ZKSCAN5: variants seen among roughly 807,000 people sequenced by gnomAD.
The protein encoded by ZKSCAN5 is zinc finger with KRAB and SCAN domains 5.
ZKSCAN5 carries 28 observed loss-of-function variants against 60.0 expected under a neutral mutation model. The ratio of observed to expected loss-of-function variants is 0.47; its 90% CI spans 0.35 to 0.64. ZKSCAN5 has a LOEUF of 0.64. ZKSCAN5 is among the 30% of genes least tolerant of loss of function. ZKSCAN5 has a pLI of 0.01. For missense variants in ZKSCAN5, 881 were observed against 1,034.6 expected (o/e 0.85, Z 2.04); for synonymous variants, 361 against 371.2 (o/e 0.97, Z 0.31).
chr7:99,521,389 G>T (rs893164095), intron 5 of ZKSCAN5, among the ~76,000 whole-genome samples: 5 of 151,986 alleles, frequency 3.3e-5, no homozygotes, highest in African/African-American at 1.2e-4. Context: ...GTAGAGACAG[G>T]GTTTCACCAT....
rs766183259 is a variant in ZKSCAN5, at chr7:99,519,851, C to T, written c.578C>T (p.Ser193Phe). 2 of 1,614,116 alleles carry T rather than the reference C, an allele frequency of 1.2e-6. No individual in the cohort carries two copies. Among genetic ancestry groups the T allele is most frequent in the Admixed American group, 1.7e-5 (1 of 60,008 alleles). ...ENALPVLQVP[S>F]LPLKDSQELT... ...GCCCTTCCTGTTCTCCAAGTTCCTT[C>T]CCTTCCCCTGAAGGACAGCCAGGAG... is the stretch of plus-strand genomic sequence containing the variant. Residue 193 changes from serine to phenylalanine, a missense_variant, in exon 4 of 7, where the codon TCC becomes TTC. By Grantham distance (155) the Ser-to-Phe change is radical (BLOSUM62 -2). Around this residue, in one of 5 missense-constraint regions of ZKSCAN5, gnomAD observed 490 missense variants for 554.5 expected, o/e 0.88. Transcript: ENST00000326775.
chr7:99,508,159 C>T (rs552162688), intron 2 of ZKSCAN5, among the ~76,000 whole-genome samples: 5 of 151,120 alleles, frequency 3.3e-5, no homozygotes, highest in Admixed American at 1.3e-4. Flanking sequence ...ATTAGCCGGG[C>T]GTGGTGGCAC....
At position 99,531,186 on chromosome 7, in the gene ZKSCAN5, T is replaced by C. The variant is rs1464641490; in HGVS notation, c.1457T>C (p.Leu486Pro). 6.2e-7 allele frequency: 1 copy of C among 1,613,974 alleles called. No individual in the cohort carries two copies. Among genetic ancestry groups the C allele is most frequent in the African/African-American group, 1.3e-5 (1 of 75,046 alleles). Residue 486 changes from leucine (L) to proline (P), a missense_variant, in exon 7 of 7, where the codon CTA (leucine) becomes CCA (proline). Physicochemically the swap from Leu to Pro is moderately conservative, Grantham distance 98 (BLOSUM62 -3). Transcript: ENST00000326775. ...ISEYSEADMELSGKTQRNVSQ... is the reference protein window; with the variant it reads ...ISEYSEADMEPSGKTQRNVSQ... ...GAATATTCAGAAGCAGACATGGAAC[T>C]ATCTGGAAAAACCCAAAGAAATGTT...
chr7:99,509,437 T>G (rs980965179), intron 2 of ZKSCAN5, among the ~76,000 whole-genome samples: 1 of 151,552 alleles, frequency 6.6e-6, no homozygotes, highest in Non-Finnish European at 1.5e-5. Context: ...TCTGTGAAAT[T>G]TCAATTAAAT....
In ZKSCAN5 at chr7:99,513,987, GTGAGC is replaced by G. The variant is rs1801157847; in HGVS notation, c.553+1401_553+1405del. 2.0e-5 allele frequency among the ~76,000 whole-genome samples: 3 copies of G among 152,192 alleles called. No individual in the cohort carries two copies. In the South Asian group the frequency reaches 6.2e-4, roughly 31 times the overall value. ...TTGAACCCAGGAGGCAAAGGTTGCAGTGAGCTGAGACCGTGGCACTGGACTCCAGC... is the reference window on the plus strand; with the variant it reads ...TTGAACCCAGGAGGCAAAGGTTGCAGTGAGACCGTGGCACTGGACTCCAGC... On this transcript the variant is annotated intron_variant, in intron 3 of 6. Coordinates refer to ENST00000326775, the MANE Select transcript of ZKSCAN5 (RefSeq NM_145102.4).
intron 3 of ZKSCAN5, among the ~76,000 whole-genome samples, chr7:99,515,833 CAAA>C (rs1165846971): frequency 1.0e-4 from 7 of 66,760 alleles, no homozygotes; most frequent in Admixed American, 1.7e-4. Flanking sequence ...GACTCCATCT[CAAA>C]AAAAAAAAAA....
At chr7:99,511,834 G>C (rs1425807715) in intron 2 of ZKSCAN5, among the ~76,000 whole-genome samples, 1 of 151,644 alleles carries the variant, frequency 6.6e-6, no homozygotes, top group Non-Finnish European at 1.5e-5. Context: ...CTGTCACCCA[G>C]GCTAGAGTGC....
intron 5 of ZKSCAN5, among the ~76,000 whole-genome samples, chr7:99,525,497 G>GCACA (rs374340957): frequency 9.9e-5 from 15 of 150,882 alleles, no homozygotes; most frequent in African/African-American, 3.4e-4. Context: ...ACGCGCGCGC[G>GCACA]CACACACACA....
intron 2 of ZKSCAN5, among the ~76,000 whole-genome samples, chr7:99,506,677 GTATT>G (rs1258894025): frequency 2.0e-5 from 3 of 152,110 alleles, no homozygotes; most frequent in African/African-American, 4.8e-5. Context: ...TTAAATTACT[GTATT>G]TATTTAATTA....
At chr7:99,518,726 A>G (rs1476759610) in intron 3 of ZKSCAN5, among the ~76,000 whole-genome samples, 2 of 117,596 alleles carry the variant, frequency 1.7e-5, no homozygotes, top group African/African-American at 3.4e-5. Context: ...CCCAGGCTGG[A>G]GTGCAGTGGT....
chr7:99,524,068 T>A lies in ZKSCAN5; in HGVS notation c.773-1745T>A, dbSNP rs185178266. ...ATTCTTAATAGGCCATGATACTCCC[T>A]GGGTTTTTTTTTTTTTTTTTGGGAC... On this transcript the variant is annotated intron_variant, in intron 5 of 6. Transcript: ENST00000326775. 2.7e-5 allele frequency among the ~76,000 whole-genome samples: 4 copies of A among 149,200 alleles called. 1 individual carries two copies. In the East Asian group the frequency reaches 7.8e-4, roughly 29 times the overall value.
chr7:99,533,990 C>G lies in ZKSCAN5; in HGVS notation c.*1741C>G, dbSNP rs996853557. The G allele has an allele frequency of 1.1e-5, 2 of 184,488 alleles. No homozygotes were observed. The highest frequency in any genetic ancestry group is 4.7e-5 in the African/African-American group (2 of 42,688). 11.4% of individuals were successfully genotyped at this position (184,488 alleles called of 1,614,324 possible). A position where few individuals can be genotyped will look rare whatever the true frequency, so the allele number is the denominator to read the frequency against. On this transcript the variant is annotated 3_prime_UTR_variant, in exon 7 of 7. Coordinates refer to ENST00000326775, the MANE Select transcript of ZKSCAN5 (RefSeq NM_145102.4). ...CTGTTAATAGTCCTGGCATGTGGTA[C>G]CTGTCCAGTCACTAAGTCATTCACT...
At chr7:99,522,901 A>T (rs1783903901) in intron 5 of ZKSCAN5, among the ~76,000 whole-genome samples, 1 of 149,832 alleles carries the variant, frequency 6.7e-6, no homozygotes, top group African/African-American at 2.5e-5. Context: ...GTGGTGTCTC[A>T]TGCCTGTAAT....
intron 4 of ZKSCAN5, 129 bp downstream of exon 4, chr7:99,520,038 G>A (rs1165012464): frequency 1.3e-6 from 2 of 1,494,122 alleles, no homozygotes; most frequent in African/African-American, 2.8e-5. Flanking sequence ...TTTCCTTTCT[G>A]CCTAGTCCTT....
Position 99,512,513 on chromosome 7 carries a change from T to A in ZKSCAN5, c.475T>A (p.Ser159Thr), listed in dbSNP as rs375319750. Reference protein sequence around the residue: ...KMATPGAVQESCSPHPLTVDT... With the variant: ...KMATPGAVQETCSPHPLTVDT... ...GGCAACACCTGGAGCAGTGCAGGAG[T>A]CCTGCAGCCCCCATCCCCTGACCGT... Residue 159 changes from serine (S) to threonine (T), a missense_variant, in exon 3 of 7, where the codon TCC becomes ACC. Ser to Thr is a moderately conservative substitution (Grantham distance 58). Around this residue, in one of 5 missense-constraint regions of ZKSCAN5, gnomAD observed 490 missense variants for 554.5 expected, o/e 0.88. Transcript: ENST00000326775. 279 of 1,614,030 alleles carry A rather than the reference T, an allele frequency of 1.7e-4. 2 individuals are homozygous for A. The South Asian group carries it at 3.0e-3, about 17-fold the overall frequency.
chr7:99,510,703 C>T (rs995642603), intron 2 of ZKSCAN5, among the ~76,000 whole-genome samples: 1 of 152,072 alleles, frequency 6.6e-6, no homozygotes, highest in African/African-American at 2.4e-5. Context: ...CTCGGCCCCC[C>T]AAAGTACTGG....
rs1802044839 is a variant in ZKSCAN5, at chr7:99,531,523, C to T, written c.1794C>T (p.Val598=). The T allele has an allele frequency of 6.2e-7, 1 of 1,614,188 alleles. No individual in the cohort carries two copies. Among genetic ancestry groups the T allele is most frequent in the Non-Finnish European group, 8.5e-7 (1 of 1,180,040 alleles). ...TGCACCTAACTCAGCATCAGCGCGT[C>T]CACACAGGTGAGAAGCCCTACACCT... is the stretch of plus-strand genomic sequence containing the variant. ...QRVHLTQHQR[V]HTGEKPYTCP... Residue 598 remains valine, a synonymous_variant, in exon 7 of 7, where the codon GTC becomes GTT. Transcript: ENST00000326775.
rs1220972261 is a variant in ZKSCAN5, at chr7:99,529,741, CTT to C, written c.1379-1365_1379-1364del. Among the ~76,000 whole-genome samples the C allele has an allele frequency of 5.9e-5, 9 of 151,930 alleles. No homozygotes were observed. In the East Asian group the frequency reaches 1.4e-3, roughly 23 times the overall value. Reference sequence around the variant, plus strand: ...GCCAACATCTATTGTTTTTTGACTTCTTTGTTTTTTTTGAGATGGAGTCTCGC... The same window carrying C: ...GCCAACATCTATTGTTTTTTGACTTCTGTTTTTTTTGAGATGGAGTCTCGC... On this transcript the variant is annotated intron_variant, in intron 6 of 6. Coordinates refer to ENST00000326775, the MANE Select transcript of ZKSCAN5 (RefSeq NM_145102.4).
chr7:99,527,054 C>G (rs1319807695), intron 6 of ZKSCAN5, among the ~76,000 whole-genome samples: 1 of 152,126 alleles, frequency 6.6e-6, no homozygotes, highest in Non-Finnish European at 1.5e-5. Flanking sequence ...AGCCTGGGTA[C>G]AGTGGCTCAC....
Sources: allele counts gnomAD v4.1 joint callset (sites outside exome capture counted in the v4.1 genomes callset), GRCh38; gene constraint gnomAD v4.1.1; regional missense constraint gnomAD v4.1.1; transcripts MANE v1.5; gene names NCBI Gene and HGNC (gene_info 2026-07-23, HGNC 2026-07-21).